HPGD: variants seen among roughly 807,000 people sequenced by gnomAD.
The protein encoded by HPGD is 15-hydroxyprostaglandin dehydrogenase [NAD(+)].
In HPGD, 29 loss-of-function variants were observed where a neutral mutation model predicts 30.0. That is an observed-to-expected ratio of 0.97 (90% CI 0.72 to 1.32). The LOEUF is 1.32. Among genes scored for constraint, HPGD ranks in the 40% most tolerant of loss-of-function variants. The pLI is 0.00. For synonymous variants in HPGD, 99 were observed against 112.4 expected, an observed-to-expected ratio of 0.88 and a Z score of 0.75; for missense variants, 340 against 322.1, an observed-to-expected ratio of 1.06 and a Z score of -0.43.
intron 1 of HPGD, 102 bp downstream of exon 1, chr4:174,522,257 G>A: frequency 2.9e-6 from 4 of 1,357,334 alleles, no homozygotes; most frequent in Non-Finnish European, 4.1e-6. Flanking sequence ...AAGTGGGCAC[G>A]CCGGGCGCGG....
chr4:174,522,892 A>C, upstream of HPGD: 3 of 157,488 alleles, frequency 1.9e-5, no homozygotes, highest in Non-Finnish European at 1.4e-5. Context: ...CAAGCAAACA[A>C]TAAAGCAAAC....
chr4:174,498,143 T>A (rs1734730783), intron 4 of HPGD, among the ~76,000 whole-genome samples: 1 of 151,706 alleles, frequency 6.6e-6, no homozygotes, highest in Non-Finnish European at 1.5e-5. Flanking sequence ...GAGATAGGAT[T>A]TCACCATGTT....
chr4:174,503,800 G>A (rs1343279849), intron 4 of HPGD, among the ~76,000 whole-genome samples: 1 of 151,262 alleles, frequency 6.6e-6, no homozygotes, highest in Non-Finnish European at 1.5e-5. Flanking sequence ...ATAGCTCACT[G>A]CAGCTTTGAA....
rs535727799 is a variant in HPGD, at chr4:174,502,981, T to C, written c.421+5715A>G. ...TGTCCTATCGAAATCAGAATCTGCATCTGACAAAGTCCCTAGACATATTAA... is the reference window on the plus strand; with the variant it reads ...TGTCCTATCGAAATCAGAATCTGCACCTGACAAAGTCCCTAGACATATTAA... On this transcript the variant is annotated intron_variant, in intron 4 of 6. Coordinates refer to ENST00000296522, the MANE Select transcript of HPGD (RefSeq NM_000860.6). 2.2e-3 allele frequency among the ~76,000 whole-genome samples: 341 copies of C among 152,304 alleles called. 1 individual carries two copies. Among genetic ancestry groups the C allele is most frequent in the Non-Finnish European group, 2.7e-3 (182 of 68,026 alleles).
At chr4:174,515,071 T>C (rs972582178) in intron 3 of HPGD, among the ~76,000 whole-genome samples, 6 of 152,134 alleles carry the variant, frequency 3.9e-5, no homozygotes, top group Admixed American at 3.9e-4. Context: ...GAATCAATAT[T>C]GTTAAAATGG....
At chr4:174,501,493 G>T (rs528354906) in intron 4 of HPGD, among the ~76,000 whole-genome samples, 3 of 152,046 alleles carry the variant, frequency 2.0e-5, no homozygotes, top group African/African-American at 7.2e-5. Context: ...CCTCTGATAG[G>T]CCCACCATTG....
chr4:174,504,814 A>AAAACAAACAAACAAAC (rs35636366), intron 4 of HPGD, among the ~76,000 whole-genome samples: 2 of 150,018 alleles, frequency 1.3e-5, no homozygotes, highest in Non-Finnish European at 3.0e-5. Context: ...ACTCTGTCTC[A>AAAACAAACAAACAAAC]AAACAAACAA....
Position 174,491,824 on chromosome 4 carries a change from C to T in HPGD, c.*132G>A, listed in dbSNP as rs2253170. The T allele has an allele frequency of 0.014, 11,107 of 820,186 alleles. 749 individuals carry two copies. In the African/African-American group the frequency reaches 0.16, roughly 11 times the overall value. The allele number at this position is 820,186 out of a possible 1,614,324, so 50.8% of individuals were successfully genotyped here. On this transcript the variant is annotated 3_prime_UTR_variant, in exon 7 of 7. Coordinates refer to ENST00000296522, the MANE Select transcript of HPGD (RefSeq NM_000860.6). ...TATACTTAACTAAAAATTTAGAAAA[C>T]GTTTATCACCAAGTGCATGAAGGAA... is the stretch of plus-strand genomic sequence containing the variant.
rs1211038905 is a variant in HPGD at position 174,491,292 on chromosome 4, G to A, written c.*664C>T. The A allele has an allele frequency of 1.3e-5, 2 of 152,648 alleles. No homozygotes were observed. The highest frequency in any genetic ancestry group is 2.9e-5 in the Non-Finnish European group (2 of 67,976). The allele number at this position is 152,648 out of a possible 1,614,324, so 9.5% of individuals were successfully genotyped here. ...GAGTCGGTAAAAGTTCTTAAAGTGA[G>A]CAGAGGAAAGAAATGTCTTTCCCAG... On this transcript the variant is annotated 3_prime_UTR_variant, in exon 7 of 7. Transcript: ENST00000296522.
chr4:174,495,815 G>T (rs2303520), intron 4 of HPGD, 191 bp from the exon 5 acceptor site: 12 of 603,802 alleles, frequency 2.0e-5, no homozygotes, highest in South Asian at 1.5e-4. Context: ...TCCATGACCC[G>T]TGTCGTCCAG....
intron 4 of HPGD, chr4:174,507,766 CA>C (rs1735260788): frequency 4.8e-6 from 1 of 206,702 alleles, no homozygotes; most frequent in Non-Finnish European, 9.6e-6. Flanking sequence ...TCAGTTGCTC[CA>C]AAAAGTCCAG....
chr4:174,513,757 A>C (rs1735633429), intron 3 of HPGD, among the ~76,000 whole-genome samples: 1 of 152,038 alleles, frequency 6.6e-6, no homozygotes, highest in African/African-American at 2.4e-5. Context: ...ATGTGAATCC[A>C]AAGAAAATGA....
Position 174,492,160 on chromosome 4 carries a change from T to C in HPGD, c.663-66A>G. On this transcript the variant is annotated intron_variant, in intron 6 of 6. Coordinates refer to ENST00000296522, the MANE Select transcript of HPGD (RefSeq NM_000860.6). The surrounding 1 kb of genome is among the most constrained non-coding windows in gnomAD (Gnocchi z 4.9). ...GGCATATTACCACTTCATTTTAAGT[T>C]ATTTTCTGAAGAATCTATTAAGTTG... is the stretch of plus-strand genomic sequence containing the variant. 6.9e-7 allele frequency: 1 copy of C among 1,441,416 alleles called. No homozygotes were observed. The highest frequency in any genetic ancestry group is 9.7e-7 in the Non-Finnish European group (1 of 1,030,614). 89.3% of individuals were successfully genotyped at this position (1,441,416 alleles called of 1,614,324 possible). A position where few individuals can be genotyped will look rare whatever the true frequency, so the allele number is the denominator to read the frequency against.
At chr4:174,512,276 C>G (rs1735546209) in intron 3 of HPGD, among the ~76,000 whole-genome samples, 1 of 152,074 alleles carries the variant, frequency 6.6e-6, no homozygotes, top group African/African-American at 2.4e-5. Flanking sequence ...TGTAAGGACA[C>G]AAGACAATAG....
chr4:174,520,592 T>G (rs982642300), intron 2 of HPGD, among the ~76,000 whole-genome samples: 3 of 152,196 alleles, frequency 2.0e-5, no homozygotes, highest in African/African-American at 7.2e-5. Flanking sequence ...CCACAATCAT[T>G]TATCCTTAAG....
At chr4:174,510,511 C>T (rs747716042) in intron 3 of HPGD, among the ~76,000 whole-genome samples, 2 of 152,226 alleles carry the variant, frequency 1.3e-5, no homozygotes, top group Non-Finnish European at 2.9e-5. Flanking sequence ...TGACACCCCA[C>T]TGTTGTGTTT....
At chr4:174,522,565 A>T (rs991380566), upstream of HPGD, 11 of 679,938 alleles carry the variant, frequency 1.6e-5, no homozygotes, top group South Asian at 2.3e-4. Context: ...CTCCCCTGCC[A>T]GTGGGCGGGG....
intron 4 of HPGD, chr4:174,506,597 A>C (rs1238428998): frequency 6.6e-6 from 1 of 152,206 alleles, no homozygotes. Flanking sequence ...CTCATTTTCA[A>C]AATGGAAATT....
chr4:174,508,606 A>G (rs1735301356), intron 4 of HPGD, 90 bp downstream of exon 4: 1 of 808,608 alleles, frequency 1.2e-6, no homozygotes, highest in East Asian at 2.4e-5. Flanking sequence ...TTCCAACTTG[A>G]GCTGATAATA....
Sources: gnomAD v4.1 joint callset for allele counts (sites outside exome capture counted in the v4.1 genomes callset) on GRCh38, gnomAD v4.1.1 for gene constraint, Gnocchi (gnomAD v3.1) non-coding constraint, MANE v1.5 for transcripts, NCBI Gene and HGNC (gene_info 2026-07-23, HGNC 2026-07-21) for gene names.